The following VPS13B variants were observed in gnomAD, a reference collection of about 807,000 sequenced individuals.
VPS13B encodes intermembrane lipid transfer protein VPS13B.
Under a neutral mutation model 426.4 loss-of-function variants are expected in VPS13B, and 285 were observed. That is an observed-to-expected ratio of 0.67 (90% CI 0.61 to 0.74). VPS13B has a LOEUF of 0.74. Among genes scored for constraint, VPS13B ranks in the 30% least tolerant of loss-of-function variants. The probability of loss-of-function intolerance (pLI) is 0.00; values close to 1 mark genes in which losing one functional copy is unlikely to be tolerated. For missense variants in VPS13B, 4,537 were observed against 4,782.6 expected (o/e 0.95, Z 1.51); for synonymous variants, 1,676 against 1,676.4 (o/e 1.00, Z 0.01).
At chr8:99,163,590 T>G (rs999627192) in intron 15 of VPS13B, among the ~76,000 whole-genome samples, 2 of 152,170 alleles carry the variant, frequency 1.3e-5, no homozygotes, top group Non-Finnish European at 2.9e-5. Flanking sequence ...ACAGCGCCGG[T>G]GGGCCAGCAC....
chr8:99,546,559 A>G (rs1350559869), intron 30 of VPS13B, among the ~76,000 whole-genome samples: 5 of 152,042 alleles, frequency 3.3e-5, no homozygotes, highest in Non-Finnish European at 4.4e-5. Context: ...AAGTCTACCT[A>G]TAGCACCCTG....
In VPS13B at chr8:99,157,073, C is replaced by G. The variant is rs976875813; in HGVS notation, c.2208+330C>G. ...TAGTTTAATATGGATGCTTTGAAGA[C>G]TCATGTTTTTTTGAAGGGAGCATTT... is the stretch of plus-strand genomic sequence containing the variant. On this transcript the variant is annotated intron_variant, in intron 15 of 61. Transcript: ENST00000357162. 3.9e-5 allele frequency among the ~76,000 whole-genome samples: 6 copies of G among 152,044 alleles called. No individual in the cohort carries two copies. The East Asian group carries it at 1.2e-3, about 29-fold the overall frequency.
chr8:99,640,522 C>A (rs1218875981), intron 33 of VPS13B, among the ~76,000 whole-genome samples: 1 of 152,074 alleles, frequency 6.6e-6, no homozygotes, highest in Non-Finnish European at 1.5e-5. Flanking sequence ...CCCACCTCAG[C>A]CTCCCAAAGT....
At chr8:99,553,845 G>A (rs1271818415) in intron 30 of VPS13B, among the ~76,000 whole-genome samples, 2 of 151,894 alleles carry the variant, frequency 1.3e-5, no homozygotes, top group Non-Finnish European at 2.9e-5. Flanking sequence ...AATTTTAAAA[G>A]CAAGCAATAA....
At chr8:99,298,036 A>G (rs1471589886) in intron 19 of VPS13B, among the ~76,000 whole-genome samples, 1 of 152,196 alleles carries the variant, frequency 6.6e-6, no homozygotes, top group African/African-American at 2.4e-5. Context: ...TAACTTTATT[A>G]AAGGCATGTT....
At chr8:99,427,856 T>A (rs1170805887) in intron 21 of VPS13B, among the ~76,000 whole-genome samples, 1 of 152,086 alleles carries the variant, frequency 6.6e-6, no homozygotes, top group Non-Finnish European at 1.5e-5. Flanking sequence ...AGAACAAAGC[T>A]GGAGGTATCA....
In VPS13B at chr8:99,161,703, C is replaced by A. The variant is rs565106395; in HGVS notation, c.2208+4960C>A. ...AATAGCATTAATATGCGTGGGAAAA[C>A]CATTCCCTGGTGTTAAGTGTACTAA... On this transcript the variant is annotated intron_variant, in intron 15 of 61. Transcript: ENST00000357162. Among the ~76,000 whole-genome samples the A allele has an allele frequency of 2.0e-5, 3 of 149,312 alleles. No individual in the cohort carries two copies. The South Asian group carries it at 6.3e-4, about 31-fold the overall frequency.
chr8:99,300,649 T>G (rs1820309478), intron 19 of VPS13B, among the ~76,000 whole-genome samples: 1 of 152,152 alleles, frequency 6.6e-6, no homozygotes. Context: ...GGAGATATGA[T>G]GAATCATCCT....
intron 35 of VPS13B, among the ~76,000 whole-genome samples, chr8:99,666,577 A>G (rs943837753): frequency 6.6e-6 from 1 of 152,314 alleles, no homozygotes; most frequent in Non-Finnish European, 1.5e-5. Flanking sequence ...ATCTCAATAG[A>G]TGCAGAAAAG....
intron 58 of VPS13B, among the ~76,000 whole-genome samples, chr8:99,866,318 G>A (rs954445193): frequency 1.3e-5 from 2 of 152,232 alleles, no homozygotes; most frequent in Non-Finnish European, 2.9e-5. Context: ...GGACCATGAA[G>A]TGGCTGCTGG....
chr8:99,325,723 T>C (rs949356794), intron 19 of VPS13B, among the ~76,000 whole-genome samples: 4 of 150,836 alleles, frequency 2.7e-5, no homozygotes, highest in Non-Finnish European at 5.9e-5. Flanking sequence ...TTAGTTCCTC[T>C]TAGAAAAAAG....
intron 2 of VPS13B, among the ~76,000 whole-genome samples, chr8:99,032,776 G>T (rs572320819): frequency 2.0e-5 from 3 of 151,364 alleles, no homozygotes; most frequent in African/African-American, 4.9e-5. Flanking sequence ...TCCTGACCTC[G>T]TGATCCACCT....
At chr8:99,709,409 T>C (rs1305781537) in intron 36 of VPS13B, among the ~76,000 whole-genome samples, 1 of 152,176 alleles carries the variant, frequency 6.6e-6, no homozygotes, top group Admixed American at 6.5e-5. Context: ...GTGGTTTGCA[T>C]TTATTAGTCT....
intron 34 of VPS13B, among the ~76,000 whole-genome samples, chr8:99,653,695 T>C (rs1327087964): frequency 2.0e-5 from 3 of 152,174 alleles, no homozygotes; most frequent in Non-Finnish European, 4.4e-5. Context: ...AAGAATACAC[T>C]TCCTTCTAGC....
chr8:99,745,581 A>C (rs959266176), intron 39 of VPS13B, among the ~76,000 whole-genome samples: 1 of 152,136 alleles, frequency 6.6e-6, no homozygotes, highest in Admixed American at 6.6e-5. Context: ...GAACATATAT[A>C]GTGTGTATAT....
chr8:99,839,868 T>C (rs980151230), intron 54 of VPS13B, among the ~76,000 whole-genome samples: 15 of 152,338 alleles, frequency 9.8e-5, no homozygotes, highest in Non-Finnish European at 1.9e-4. Context: ...CTGAAAACTA[T>C]TACTCTGTAG....
At chr8:99,588,547 G>T (rs1178434046) in intron 33 of VPS13B, among the ~76,000 whole-genome samples, 2 of 151,518 alleles carry the variant, frequency 1.3e-5, no homozygotes, top group East Asian at 3.9e-4. Context: ...TTTGTATGTT[G>T]TATTCCTAGG....
chr8:99,729,382 C>G (rs1160194538), intron 39 of VPS13B, among the ~76,000 whole-genome samples: 1 of 152,198 alleles, frequency 6.6e-6, no homozygotes, highest in Non-Finnish European at 1.5e-5. Flanking sequence ...AGGCTATCTG[C>G]ATCTGGAGAA....
chr8:99,041,140 G>T (rs993856722), intron 3 of VPS13B, among the ~76,000 whole-genome samples: 4 of 152,126 alleles, frequency 2.6e-5, no homozygotes, highest in Admixed American at 1.3e-4. Flanking sequence ...CCGAATTGTT[G>T]TGTTAGGTAA....
Sources: gnomAD v4.1 joint callset for allele counts (sites outside exome capture counted in the v4.1 genomes callset) on GRCh38, gnomAD v4.1.1 for gene constraint, MANE v1.5 for transcripts, NCBI Gene and HGNC (gene_info 2026-07-23, HGNC 2026-07-21) for gene names.